Variants in SNX27 observed in about 807,000 individuals in gnomAD.
SNX27 encodes sorting nexin-27.
SNX27 carries 22 observed loss-of-function variants against 71.6 expected under a neutral mutation model. The observed-to-expected ratio is 0.31, with a 90% CI of 0.22 to 0.44. The LOEUF is 0.44. SNX27 is among the 20% of genes least tolerant of loss of function. SNX27 has a pLI of 1.00. For synonymous variants in SNX27, 269 were observed against 277.2 expected, an observed-to-expected ratio of 0.97 and a Z score of 0.29; for missense variants, 531 against 698.6, an observed-to-expected ratio of 0.76 and a Z score of 2.70.
At chr1:151,643,263 C>CA (rs1558048074) in intron 2 of SNX27, among the ~76,000 whole-genome samples, 10 of 118,108 alleles carry the variant, frequency 8.5e-5, no homozygotes, top group Admixed American at 9.4e-5. Flanking sequence ...CACGCCTGGC[C>CA]TTTTATTTAT....
intron 2 of SNX27, among the ~76,000 whole-genome samples, chr1:151,641,327 A>G (rs1668709396): frequency 6.6e-6 from 1 of 152,004 alleles, no homozygotes; most frequent in African/African-American, 2.4e-5. Context: ...TATGCAGTGG[A>G]GAGTTCCAGT....
At chr1:151,675,294 T>C (rs529937616) in intron 7 of SNX27, among the ~76,000 whole-genome samples, 3 of 152,290 alleles carry the variant, frequency 2.0e-5, no homozygotes, top group African/African-American at 7.2e-5. Context: ...AAGTAAGAGT[T>C]GATACTTGTT....
intron 8 of SNX27, among the ~76,000 whole-genome samples, chr1:151,687,220 GAACAGATAA>G (rs1179144642): frequency 6.6e-6 from 1 of 152,062 alleles, no homozygotes; most frequent in Non-Finnish European, 1.5e-5. Context: ...TGCCCTTGTT[GAACAGATAA>G]ATAAAGAGCT....
intron 1 of SNX27, among the ~76,000 whole-genome samples, chr1:151,627,802 C>T (rs187259030): frequency 1.3e-4 from 20 of 152,162 alleles, no homozygotes; most frequent in African/African-American, 4.3e-4. Flanking sequence ...ATTACAGTAT[C>T]GTACAGAATA....
intron 11 of SNX27, chr1:151,693,899 G>C: frequency 7.2e-7 from 1 of 1,384,348 alleles, no homozygotes. Flanking sequence ...GTGAGGGAAG[G>C]TGTTTGCTGT....
intron 3 of SNX27, chr1:151,660,358 G>T (rs1669910365): frequency 6.6e-6 from 1 of 151,648 alleles, no homozygotes; most frequent in African/African-American, 2.4e-5. Flanking sequence ...AATTTTTGTG[G>T]TTCTCTGACT....
chr1:151,651,226 G>C (rs1477727555), intron 2 of SNX27, among the ~76,000 whole-genome samples: 1 of 150,296 alleles, frequency 6.7e-6, no homozygotes, highest in Non-Finnish European at 1.5e-5. Flanking sequence ...TGGCCGGGCG[G>C]GGGGCTGACC....
intron 2 of SNX27, among the ~76,000 whole-genome samples, 154 bp downstream of exon 2, chr1:151,639,273 C>G (rs1255752759): frequency 2.0e-5 from 3 of 152,086 alleles, no homozygotes; most frequent in Non-Finnish European, 4.4e-5. Context: ...AGACACTGAC[C>G]CTGATTTATT....
At chr1:151,682,387 T>C (rs752465264) in intron 7 of SNX27, among the ~76,000 whole-genome samples, 3 of 152,170 alleles carry the variant, frequency 2.0e-5, no homozygotes, top group Non-Finnish European at 2.9e-5. Flanking sequence ...AGTGGCATGA[T>C]CTCAGCTCAC....
chr1:151,635,684 C>T (rs1003993697), intron 1 of SNX27, among the ~76,000 whole-genome samples: 1 of 152,120 alleles, frequency 6.6e-6, no homozygotes, highest in African/African-American at 2.4e-5. Context: ...GAATTTCCCA[C>T]TTTGTAGTAA....
At chr1:151,659,813 T>C (rs1242034659) in intron 3 of SNX27, 1 of 152,230 alleles carries the variant, frequency 6.6e-6, no homozygotes, top group Non-Finnish European at 1.5e-5. Flanking sequence ...AAGAGACCTT[T>C]CCTTGCTACA....
chr1:151,652,431 C>T (rs1251790073), intron 2 of SNX27, among the ~76,000 whole-genome samples: 11 of 132,188 alleles, frequency 8.3e-5, no homozygotes, highest in Admixed American at 6.4e-4. Flanking sequence ...TTTCCTCAGA[C>T]GGAGCCTTGC....
chr1:151,612,063 A>T lies in SNX27; in HGVS notation c.-139A>T. On this transcript the variant is annotated 5_prime_UTR_variant, in exon 1 of 12. Coordinates refer to ENST00000458013, the MANE Select transcript of SNX27 (RefSeq NM_001330723.2). This position sits in a 1 kb window ranked among gnomAD's most constrained non-coding sequence, Gnocchi z 5.2. ...TGCCTCCTCTTCACCCCGCGCCAGC[A>T]GCTCGGTGGCCGAGTCGGTCCCGCG... 3.1e-6 allele frequency: 3 copies of T among 959,806 alleles called. No homozygotes were observed. The highest frequency in any genetic ancestry group is 4.2e-6 in the Non-Finnish European group (3 of 722,156). The allele number at this position is 959,806 out of a possible 1,614,324, so 59.5% of individuals were successfully genotyped here.
intron 3 of SNX27, 31 bp downstream of exon 3, chr1:151,658,458 G>T: frequency 1.9e-6 from 3 of 1,587,550 alleles, no homozygotes; most frequent in South Asian, 2.3e-5. Flanking sequence ...CTACTATATT[G>T]AGTAGACGTA....
At chr1:151,669,663 T>C (rs991452355) in intron 7 of SNX27, among the ~76,000 whole-genome samples, 2 of 152,218 alleles carry the variant, frequency 1.3e-5, no homozygotes, top group African/African-American at 2.4e-5. Flanking sequence ...TGAGAGTACA[T>C]TGTTTGTTTT....
chr1:151,622,078 A>G lies in SNX27; in HGVS notation c.311+9566A>G, dbSNP rs12164491. On this transcript the variant is annotated intron_variant, in intron 1 of 11. Coordinates refer to ENST00000458013, the MANE Select transcript of SNX27 (RefSeq NM_001330723.2). ...GACTGTACCTTTCTTCTCTTTCAATATGTTGGAATGGACTACAGACTTACA... is the reference window on the plus strand; with the variant it reads ...GACTGTACCTTTCTTCTCTTTCAATGTGTTGGAATGGACTACAGACTTACA... Among the ~76,000 whole-genome samples the G allele has an allele frequency of 1.9e-3, 293 of 152,322 alleles. 1 individual carries two copies. The highest frequency in any genetic ancestry group is 6.9e-3 in the African/African-American group (285 of 41,572).
chr1:151,630,384 A>G (rs1359485371), intron 1 of SNX27, among the ~76,000 whole-genome samples: 3 of 152,176 alleles, frequency 2.0e-5, no homozygotes, highest in African/African-American at 7.2e-5. Context: ...ATAAAAGTTG[A>G]TATTAAAAAT....
intron 2 of SNX27, among the ~76,000 whole-genome samples, chr1:151,643,403 T>C (rs1668874256): frequency 1.3e-5 from 2 of 151,848 alleles, no homozygotes; most frequent in Admixed American, 1.3e-4. Flanking sequence ...CAAGCAATTC[T>C]CCTGCCTCAG....
chr1:151,658,438 C>G lies in SNX27; in HGVS notation c.736+11C>G. On this transcript the variant is annotated intron_variant, in intron 3 of 11. Transcript: ENST00000458013. ...AATATCTAGAAAAAGGTAATCCAAA[C>G]CATCAAACTCTACTATATTGAGTAG... The G allele has an allele frequency of 6.2e-7, 1 of 1,611,500 alleles. No homozygotes were observed. Among genetic ancestry groups the G allele is most frequent in the Non-Finnish European group, 8.5e-7 (1 of 1,178,714 alleles).
Sources: gnomAD v4.1 joint callset for allele counts (sites outside exome capture counted in the v4.1 genomes callset) on GRCh38, gnomAD v4.1.1 for gene constraint, Gnocchi (gnomAD v3.1) non-coding constraint, MANE v1.5 for transcripts, NCBI Gene and HGNC (gene_info 2026-07-23, HGNC 2026-07-21) for gene names.